Variants in MAPDA observed in about 807,000 individuals in gnomAD.
MAPDA encodes N6-Methyl-AMP deaminase, also known as N6,N6-dimethyl-AMP deaminase.
chr15:43,349,687 A>C, the MAPDA span, among the ~76,000 whole-genome samples: 1 of 152,248 alleles, frequency 6.6e-6, no homozygotes, highest in African/African-American at 2.4e-5. Flanking sequence ...AGAAGGAAAA[A>C]GTGGTTGGCT....
At chr15:43,339,187 G>A in the MAPDA span, among the ~76,000 whole-genome samples, 2 of 152,226 alleles carry the variant, frequency 1.3e-5, no homozygotes, top group African/African-American at 4.8e-5. Context: ...TGATGGCATG[G>A]AGGCTGCAGT....
chr15:43,333,692 A>G, the MAPDA span, among the ~76,000 whole-genome samples: 11 of 152,224 alleles, frequency 7.2e-5, no homozygotes, highest in African/African-American at 2.7e-4. Context: ...CTCAGTATCA[A>G]TTTATTGATT....
chr15:43,351,377 G>C, the MAPDA span: 1 of 325,490 alleles, frequency 3.1e-6, no homozygotes, highest in Middle Eastern at 8.7e-4. Context: ...CAGAGGGCCA[G>C]GGTGACTCTG....
the MAPDA span, among the ~76,000 whole-genome samples, chr15:43,347,547 A>G: frequency 6.6e-6 from 1 of 152,200 alleles, no homozygotes; most frequent in Non-Finnish European, 1.5e-5. Flanking sequence ...ATCAGCCCCA[A>G]GCTCACTGTT....
At chr15:43,342,829 G>T in the MAPDA span, among the ~76,000 whole-genome samples, 1 of 150,018 alleles carries the variant, frequency 6.7e-6, no homozygotes, top group Non-Finnish European at 1.5e-5. Context: ...AATATAATTT[G>T]CATTTACTAA....
the MAPDA span, among the ~76,000 whole-genome samples, chr15:43,350,132 G>A: frequency 1.3e-5 from 2 of 151,932 alleles, no homozygotes; most frequent in East Asian, 1.9e-4. Flanking sequence ...GCAGTGGCGC[G>A]ATAGCTCACT....
the MAPDA span, among the ~76,000 whole-genome samples, chr15:43,339,014 T>C: frequency 1.3e-5 from 2 of 152,158 alleles, no homozygotes; most frequent in East Asian, 3.8e-4. Flanking sequence ...ATTAGTCTCA[T>C]GTGAGCTGGG....
the MAPDA span, chr15:43,336,522 G>C: frequency 3.5e-6 from 3 of 848,308 alleles, no homozygotes; most frequent in Non-Finnish European, 5.3e-6. Flanking sequence ...GTAGTTCTTT[G>C]TAAATATAAA....
the MAPDA span, chr15:43,354,067 A>T: frequency 6.6e-6 from 1 of 152,186 alleles, no homozygotes; most frequent in Admixed American, 6.5e-5. Context: ...AATCTGTGGG[A>T]TCAAATGCCA....
the MAPDA span, chr15:43,335,551 A>C: frequency 2.1e-6 from 2 of 940,722 alleles, no homozygotes; most frequent in East Asian, 5.6e-5. Context: ...GAAAAAGTAA[A>C]TTTTGTAGGC....
At chr15:43,342,903 G>T in the MAPDA span, 1 of 964,102 alleles carries the variant, frequency 1.0e-6, no homozygotes, top group South Asian at 1.6e-5. Context: ...AGCATAAAGT[G>T]AAAATGTAAT....
chr15:43,332,323 C>T, the MAPDA span: 2 of 151,740 alleles, frequency 1.3e-5, no homozygotes, highest in Non-Finnish European at 2.9e-5. Context: ...TGGATCCTCA[C>T]CTCTAAAATG....
At chr15:43,335,035 T>G in the MAPDA span, 2 of 1,475,640 alleles carry the variant, frequency 1.4e-6, no homozygotes, top group Admixed American at 3.5e-5. Context: ...ACCATACAAT[T>G]TACTGACTGA....
the MAPDA span, chr15:43,352,049 G>A: frequency 2.5e-6 from 3 of 1,217,656 alleles, no homozygotes; most frequent in East Asian, 2.6e-5. Flanking sequence ...TAGCAACCAA[G>A]TTCCTTGGGC....
the MAPDA span, among the ~76,000 whole-genome samples, chr15:43,336,154 A>G: frequency 6.6e-5 from 10 of 152,064 alleles, no homozygotes; most frequent in African/African-American, 1.7e-4. Context: ...CAGTCCTCCT[A>G]TCTTAGCATC....
chr15:43,340,683 C>A, the MAPDA span, among the ~76,000 whole-genome samples: 1 of 152,118 alleles, frequency 6.6e-6, no homozygotes, highest in Non-Finnish European at 1.5e-5. Flanking sequence ...CCGTGCCCAT[C>A]CTGATGTACA....
the MAPDA span, chr15:43,340,291 T>G: frequency 6.2e-7 from 1 of 1,614,122 alleles, no homozygotes; most frequent in East Asian, 2.2e-5. Flanking sequence ...TAAAAGAATT[T>G]GCAGATGACG....
chr15:43,336,739 T>C, the MAPDA span: 2 of 1,387,962 alleles, frequency 1.4e-6, no homozygotes, highest in African/African-American at 1.5e-5. Context: ...AGTAATTTCC[T>C]TCCATTATTG....
the MAPDA span, chr15:43,330,574 G>A: frequency 1.4e-6 from 2 of 1,434,532 alleles, no homozygotes; most frequent in Non-Finnish European, 1.8e-6. Context: ...CTCGGTAGGG[G>A]GAAAAAAACC....
Sources: gnomAD v4.1 joint callset for allele counts (sites outside exome capture counted in the v4.1 genomes callset) on GRCh38, gnomAD v4.1.1 for gene constraint, MANE v1.5 for transcripts, NCBI Gene and HGNC (gene_info 2026-07-23, HGNC 2026-07-21) for gene names.